RIMS1: variants seen among roughly 807,000 people sequenced by gnomAD.
RIMS1 encodes regulating synaptic membrane exocytosis 1.
A neutral mutation model predicts 214.1 loss-of-function variants in RIMS1; 83 were observed. That is an observed-to-expected ratio of 0.39 (90% confidence interval 0.32 to 0.47). RIMS1 has a LOEUF of 0.47. RIMS1 is among the 20% of genes least tolerant of loss of function. The pLI, the probability that RIMS1 is intolerant of heterozygous loss-of-function variation, is 0.99. For missense variants in RIMS1, 2,050 were observed against 2,161.8 expected, an observed-to-expected ratio of 0.95 and a Z score of 1.03; for synonymous variants, 793 against 786.8, an observed-to-expected ratio of 1.01 and a Z score of -0.13.
At chr6:71,932,623 C>G (rs1783384567) in intron 1 of RIMS1, among the ~76,000 whole-genome samples, 2 of 151,976 alleles carry the variant, frequency 1.3e-5, no homozygotes, top group South Asian at 4.1e-4. Context: ...CCCTGAACTT[C>G]AAATAAAAAG....
chr6:71,936,079 G>T (rs939937849), intron 1 of RIMS1, among the ~76,000 whole-genome samples: 2 of 151,788 alleles, frequency 1.3e-5, no homozygotes, highest in Non-Finnish European at 2.9e-5. Context: ...GGCCGGGCGC[G>T]GTGGCTCACG....
rs1554220983 is a variant in RIMS1, at chr6:72,092,291, C to CCCTTCCTTCCTTCCTTCCTTCCTT, written c.246-4651_246-4628dup. 8.3e-3 allele frequency among the ~76,000 whole-genome samples: 893 copies of CCCTTCCTTCCTTCCTTCCTTCCTT among 107,916 alleles called. 12 individuals are homozygous for CCCTTCCTTCCTTCCTTCCTTCCTT. The highest frequency in any genetic ancestry group is 0.017 in the African/African-American group (551 of 31,942). The allele number at this position is 107,916 out of a possible 152,430, so 70.8% of individuals were successfully genotyped here. A position where few individuals can be genotyped will look rare whatever the true frequency, so the allele number is the denominator to read the frequency against. On this transcript the variant is annotated intron_variant, in intron 2 of 33. Transcript: ENST00000521978. ...TCCTTCCCTCCCTCCCTCCCTCCCT[C>CCCTTCCTTCCTTCCTTCCTTCCTT]CCTTCCTTCCTTCCTTCCTTCCTTC...
At chr6:72,259,253 A>G (rs2077015992) in intron 18 of RIMS1, 142 bp downstream of exon 18, 1 of 544,270 alleles carries the variant, frequency 1.8e-6, no homozygotes, top group African/African-American at 1.9e-5. Flanking sequence ...CTGTTAACAT[A>G]TTGTAATAGA....
intron 4 of RIMS1, among the ~76,000 whole-genome samples, chr6:72,169,563 AT>A (rs2153951641): frequency 6.6e-6 from 1 of 152,198 alleles, no homozygotes; most frequent in East Asian, 1.9e-4. Flanking sequence ...ATGGTTAGGA[AT>A]TCCCTATATT....
intron 28 of RIMS1, chr6:72,316,803 G>A: frequency 1.3e-6 from 1 of 746,468 alleles, no homozygotes; most frequent in Non-Finnish European, 2.5e-6. Context: ...GGGACAGTAG[G>A]TGGGTGGTGG....
At chr6:72,231,637 A>G (rs1250529944) in intron 6 of RIMS1, among the ~76,000 whole-genome samples, 2 of 151,648 alleles carry the variant, frequency 1.3e-5, no homozygotes, top group Non-Finnish European at 3.0e-5. Context: ...TACCAAAGCA[A>G]TTAAATTAGA....
chr6:72,306,657 G>A (rs903166190), intron 26 of RIMS1, among the ~76,000 whole-genome samples: 2 of 152,100 alleles, frequency 1.3e-5, no homozygotes, highest in Non-Finnish European at 2.9e-5. Context: ...TATGTGGTCC[G>A]GATATAGCCA....
At chr6:71,986,317 A>G (rs1392979234) in intron 2 of RIMS1, among the ~76,000 whole-genome samples, 1 of 151,970 alleles carries the variant, frequency 6.6e-6, no homozygotes, top group Non-Finnish European at 1.5e-5. Context: ...TGTTTTAATA[A>G]TATGCATACC....
In RIMS1 at chr6:72,399,032, C is replaced by G; in HGVS notation, c.4798C>G (p.Leu1600Val). ...GAAGACAAGAATTGCACGAAAAACC[C>G]TTGATCCTTTGTATCAGCAGTCTCT... ...KKKTRIARKT[L>V]DPLYQQSLVF... Residue 1600 changes from leucine to valine, a missense_variant, in exon 33 of 34, where the codon CTT (leucine) becomes GTT (valine). By Grantham distance (32) the Leu-to-Val change is conservative. Around this residue, in one of 6 missense-constraint regions of RIMS1, gnomAD observed 121 missense variants for 187.3 expected, o/e 0.65. Coordinates refer to ENST00000521978, the MANE Select transcript of RIMS1 (RefSeq NM_014989.7). 6.2e-7 allele frequency: 1 copy of G among 1,610,342 alleles called. No homozygotes were observed. Among genetic ancestry groups the G allele is most frequent in the Non-Finnish European group, 8.5e-7 (1 of 1,177,678 alleles).
At chr6:71,984,755 A>ATGTATGTG (rs1281528304) in intron 2 of RIMS1, among the ~76,000 whole-genome samples, 1 of 138,604 alleles carries the variant, frequency 7.2e-6, no homozygotes, top group East Asian at 2.3e-4. Context: ...GTATGTATGT[A>ATGTATGTG]TGTATGTATG....
chr6:72,165,681 T>G (rs1021990324), intron 4 of RIMS1, among the ~76,000 whole-genome samples: 6 of 152,290 alleles, frequency 3.9e-5, no homozygotes, highest in Non-Finnish European at 7.4e-5. Flanking sequence ...CAGATTATTT[T>G]AATTCAATCA....
chr6:72,205,816 C>T (rs2052800615), intron 6 of RIMS1, among the ~76,000 whole-genome samples: 1 of 151,932 alleles, frequency 6.6e-6, no homozygotes, highest in Admixed American at 6.6e-5. Context: ...GCTTAGTTTC[C>T]AACAATAAGA....
At chr6:72,205,315 A>G (rs765726496) in intron 6 of RIMS1, among the ~76,000 whole-genome samples, 9 of 152,186 alleles carry the variant, frequency 5.9e-5, no homozygotes, top group Non-Finnish European at 5.9e-5. Context: ...ATAGTGAAAC[A>G]CAAAACAGGT....
chr6:72,179,904 T>C lies in RIMS1; in HGVS notation c.801T>C (p.Pro267=), dbSNP rs2153967375. 1 of 1,496,696 alleles carries C rather than the reference T, an allele frequency of 6.7e-7. No individual in the cohort carries two copies. Among genetic ancestry groups the C allele is most frequent in the South Asian group, 1.4e-5 (1 of 68,998 alleles). The allele number at this position is 1,496,696 out of a possible 1,614,324, so 92.7% of individuals were successfully genotyped here. The change falls in exon 5 of 34, where the codon CCT becomes CCC. Residue 267 remains proline, a synonymous_variant. Coordinates refer to ENST00000521978, the MANE Select transcript of RIMS1 (RefSeq NM_014989.7). The part of the protein sequence containing the change: ...KQASSRSRSE[P]PRERKKTPGL... ...CTTCATCCAGGTCTAGAAGTGAACC[T>C]CCTAGAGAGAGGTAATAGTTCTTTC... is the stretch of plus-strand genomic sequence containing the variant.
chr6:71,905,531 A>C (rs1325277746), intron 1 of RIMS1, among the ~76,000 whole-genome samples: 2 of 152,298 alleles, frequency 1.3e-5, no homozygotes, highest in African/African-American at 4.8e-5. Flanking sequence ...TTTGCTGAGC[A>C]CTAATTTCAG....
intron 6 of RIMS1, chr6:72,212,902 C>G: frequency 1.1e-5 from 15 of 1,321,262 alleles, no homozygotes; most frequent in Non-Finnish European, 1.3e-5. Flanking sequence ...TGCACAGTGC[C>G]TGCAGTGACC....
At chr6:72,118,634 G>A (rs1420686197) in intron 4 of RIMS1, among the ~76,000 whole-genome samples, 1 of 151,770 alleles carries the variant, frequency 6.6e-6, no homozygotes, top group Non-Finnish European at 1.5e-5. Context: ...TCATGATCAA[G>A]TGGGTTTCAT....
chr6:72,058,830 C>T (rs1402821867), intron 2 of RIMS1, among the ~76,000 whole-genome samples: 1 of 152,150 alleles, frequency 6.6e-6, no homozygotes, highest in East Asian at 1.9e-4. Context: ...TCACATAATT[C>T]ACAGAAGCAG....
intron 1 of RIMS1, among the ~76,000 whole-genome samples, chr6:71,944,370 T>C (rs1208457906): frequency 6.6e-6 from 1 of 152,170 alleles, no homozygotes; most frequent in African/African-American, 2.4e-5. Context: ...CTCTTGAGGT[T>C]GTAGCCTCCT....
Sources: gnomAD v4.1 joint callset for allele counts (sites outside exome capture counted in the v4.1 genomes callset) on GRCh38, gnomAD v4.1.1 for gene constraint, gnomAD v4.1.1 regional missense constraint, MANE v1.5 for transcripts, NCBI Gene and HGNC (gene_info 2026-07-23, HGNC 2026-07-21) for gene names.